PCBP3: variants seen among roughly 807,000 people sequenced by gnomAD.
PCBP3 encodes the protein poly(rC)-binding protein 3.
In PCBP3, 25 loss-of-function variants were observed where a neutral mutation model predicts 52.7. The observed-to-expected ratio is 0.47, with a 90% CI of 0.35 to 0.66. The LOEUF (loss-of-function observed/expected upper bound fraction) is 0.66, where lower values mean the gene tolerates loss of function less well. PCBP3 is among the 30% of genes least tolerant of loss of function. PCBP3 has a pLI of 0.01. For missense variants in PCBP3, 391 were observed against 490.3 expected, an observed-to-expected ratio of 0.80 and a Z score of 1.91; for synonymous variants, 162 against 183.0, an observed-to-expected ratio of 0.89 and a Z score of 0.93.
intron 2 of PCBP3, among the ~76,000 whole-genome samples, chr21:45,722,905 T>A (rs1054398924): frequency 5.9e-5 from 9 of 151,818 alleles, no homozygotes; most frequent in Non-Finnish European, 1.5e-5. Context: ...CCCAAGCTGC[T>A]TGGGAGGCTG....
At chr21:45,884,667 C>T (rs938383447) in intron 5 of PCBP3, among the ~76,000 whole-genome samples, 2 of 152,216 alleles carry the variant, frequency 1.3e-5, no homozygotes, top group African/African-American at 4.8e-5. Context: ...CTCCAGCCGT[C>T]CTCCCACCTC....
At chr21:45,886,449 T>C (rs1180050610) in intron 5 of PCBP3, among the ~76,000 whole-genome samples, 4 of 143,442 alleles carry the variant, frequency 2.8e-5, no homozygotes, top group Non-Finnish European at 6.0e-5. Flanking sequence ...GAGGATGTGG[T>C]GAGGTGTGGA....
At chr21:45,815,886 GTGAGTGA>G (rs1488263035) in intron 4 of PCBP3, among the ~76,000 whole-genome samples, 1 of 130,086 alleles carries the variant, frequency 7.7e-6, no homozygotes, top group Non-Finnish European at 1.6e-5. Context: ...TGAGTGGTGA[GTGAGTGA>G]TGAGTGATGG....
chr21:45,879,683 C>T (rs2095354139), intron 5 of PCBP3, among the ~76,000 whole-genome samples: 1 of 145,690 alleles, frequency 6.9e-6, no homozygotes, highest in South Asian at 2.4e-4. Context: ...TTTCCAAATA[C>T]TTGAAAATCA....
At position 45,876,176 on chromosome 21, in the gene PCBP3, A is replaced by G. The variant is rs934031613; in HGVS notation, c.11-20032A>G. Among the ~76,000 whole-genome samples, 37 of 152,350 alleles carry G rather than the reference A, an allele frequency of 2.4e-4. 1 individual carries two copies. In the Middle Eastern group the frequency reaches 0.01, roughly 42 times the overall value. ...AACCTGCCCTTAGGCAGGCGAGTCC[A>G]CGTGCATCCATCACAGCCAGGACAG... On this transcript the variant is annotated intron_variant, in intron 5 of 17. Coordinates refer to ENST00000681687, the MANE Select transcript of PCBP3 (RefSeq NM_001384156.1).
At chr21:45,694,955 G>A (rs1281038764) in intron 2 of PCBP3, among the ~76,000 whole-genome samples, 1 of 152,142 alleles carries the variant, frequency 6.6e-6, no homozygotes, top group Admixed American at 6.5e-5. Context: ...AAATCAGCAT[G>A]TTTATTCTAA....
chr21:45,867,564 A>G (rs2148558629), intron 5 of PCBP3, among the ~76,000 whole-genome samples: 1 of 152,368 alleles, frequency 6.6e-6, no homozygotes, highest in Middle Eastern at 3.4e-3. Flanking sequence ...CCTTCCAGGA[A>G]TCTGCCACCC....
At chr21:45,865,757 G>A (rs1016607310) in intron 5 of PCBP3, among the ~76,000 whole-genome samples, 3 of 152,204 alleles carry the variant, frequency 2.0e-5, no homozygotes, top group Admixed American at 1.3e-4. Flanking sequence ...CCGGAGCTGT[G>A]GGCTCTGCTC....
chr21:45,810,245 T>TGTGTGA (rs1555949747), intron 4 of PCBP3, among the ~76,000 whole-genome samples: 1 of 149,608 alleles, frequency 6.7e-6, no homozygotes, highest in South Asian at 2.1e-4. Context: ...TGTGTGTGTG[T>TGTGTGA]GAGAGAGTGT....
intron 2 of PCBP3, among the ~76,000 whole-genome samples, chr21:45,706,496 C>T (rs1474659434): frequency 6.6e-6 from 1 of 152,090 alleles, no homozygotes; most frequent in African/African-American, 2.4e-5. Context: ...TGCCATCTCT[C>T]TCTACTGCCC....
At chr21:45,885,294 C>G (rs1385414907) in intron 5 of PCBP3, among the ~76,000 whole-genome samples, 4 of 152,156 alleles carry the variant, frequency 2.6e-5, no homozygotes, top group Admixed American at 1.3e-4. Context: ...GGGGTCATGT[C>G]CCTCTTGCTG....
intron 4 of PCBP3, among the ~76,000 whole-genome samples, chr21:45,838,888 CA>C (rs1400840371): frequency 6.6e-6 from 1 of 152,144 alleles, no homozygotes; most frequent in Non-Finnish European, 1.5e-5. Flanking sequence ...AAAATACAAA[CA>C]TTTACATGAT....
chr21:45,898,001 A>G (rs2095875251), intron 6 of PCBP3, among the ~76,000 whole-genome samples: 1 of 152,150 alleles, frequency 6.6e-6, no homozygotes, highest in Admixed American at 6.5e-5. Flanking sequence ...GCCCCACAGC[A>G]CTGGCACATC....
At chr21:45,876,157 C>G (rs2095252093) in intron 5 of PCBP3, among the ~76,000 whole-genome samples, 1 of 152,224 alleles carries the variant, frequency 6.6e-6, no homozygotes, top group Admixed American at 6.5e-5. Flanking sequence ...CCAGAACCTG[C>G]CCTTAGGCAG....
At chr21:45,755,646 G>A (rs957759463) in intron 4 of PCBP3, among the ~76,000 whole-genome samples, 194 bp downstream of exon 4, 7 of 152,266 alleles carry the variant, frequency 4.6e-5, no homozygotes, top group Non-Finnish European at 1.0e-4. Context: ...TCACATTATA[G>A]TTTTAATTTG....
intron 5 of PCBP3, chr21:45,893,647 C>T (rs777377899): frequency 8.9e-5 from 67 of 752,068 alleles, no homozygotes; most frequent in Non-Finnish European, 9.6e-5. Flanking sequence ...CAGGCCCTCA[C>T]GGATGACTGT....
Position 45,741,517 on chromosome 21 carries a change from A to G in PCBP3, c.-162+6088A>G, listed in dbSNP as rs936197078. On this transcript the variant is annotated intron_variant, in intron 3 of 17. Coordinates refer to ENST00000681687, the MANE Select transcript of PCBP3 (RefSeq NM_001384156.1). The surrounding 1 kb of genome is among the most constrained non-coding windows in gnomAD (Gnocchi z 4.5). ...GAATAGCAATACAAACTCAGTAATT[A>G]GAAATATGGAGATAAAGAAATGCCA... 1.3e-5 allele frequency among the ~76,000 whole-genome samples: 2 copies of G among 152,172 alleles called. No homozygotes were observed. The highest frequency in any genetic ancestry group is 1.3e-4 in the Admixed American group (2 of 15,272).
At chr21:45,919,639 C>T (rs919089230) in intron 13 of PCBP3, among the ~76,000 whole-genome samples, 5 of 152,330 alleles carry the variant, frequency 3.3e-5, no homozygotes, top group South Asian at 2.1e-4. Flanking sequence ...TGGTTCCTGG[C>T]GTCAGACCTT....
chr21:45,677,596 T>C (rs1383326831), intron 2 of PCBP3, among the ~76,000 whole-genome samples: 1 of 152,216 alleles, frequency 6.6e-6, no homozygotes, highest in African/African-American at 2.4e-5. Context: ...TGAAAGACCA[T>C]GCCATCTAGG....
Sources: allele counts gnomAD v4.1 joint callset (sites outside exome capture counted in the v4.1 genomes callset), GRCh38; gene constraint gnomAD v4.1.1; non-coding constraint Gnocchi (gnomAD v3.1); transcripts MANE v1.5; gene names NCBI Gene and HGNC (gene_info 2026-07-23, HGNC 2026-07-21).